The following UMAD1 variants were observed in gnomAD, a reference collection of about 807,000 sequenced individuals.
The protein encoded by UMAD1 is UBAP1-MVB12-associated (UMA) domain containing 1.
A neutral mutation model predicts 6.1 loss-of-function variants in UMAD1; 8 were observed. That is an observed-to-expected ratio of 1.30 (90% confidence interval 0.76 to 2.35). The LOEUF (loss-of-function observed/expected upper bound fraction) is 2.35. UMAD1 is among the 30% of genes most tolerant of loss of function. The pLI, the probability that UMAD1 is intolerant of heterozygous loss-of-function variation, is 0.00. For synonymous variants in UMAD1, 56 were observed against 31.4 expected (o/e 1.78, Z -2.61); for missense variants, 130 against 78.4 (o/e 1.66, Z -2.49).
chr7:7,828,533 G>A (rs7783404), intron 3 of UMAD1, among the ~76,000 whole-genome samples: 28,262 of 152,140 alleles, frequency 0.19, 3,085 homozygotes, highest in African/African-American at 0.29. Context: ...AGCTTCTTGC[G>A]GCTATATCAA....
At position 7,727,360 on chromosome 7, in the gene UMAD1, G is replaced by T. The variant is rs75247780; in HGVS notation, c.82+53907G>T. The stretch of plus-strand genomic sequence containing the variant: ...TTTATGTAATAGCATTTGGGTTGGG[G>T]ATTGGTGTGTTTTCGGTTGTACATA... On this transcript the variant is annotated intron_variant, in intron 2 of 3. Transcript: ENST00000682710. Among the ~76,000 whole-genome samples, 793 of 152,288 alleles carry T rather than the reference G, an allele frequency of 5.2e-3. 5 individuals are homozygous for T. Among genetic ancestry groups the T allele is most frequent in the African/African-American group, 0.018 (753 of 41,542 alleles).
chr7:7,874,452 T>C (rs1412066622), intron 3 of UMAD1, among the ~76,000 whole-genome samples: 1 of 152,184 alleles, frequency 6.6e-6, no homozygotes, highest in African/African-American at 2.4e-5. Flanking sequence ...TTTAGATGAA[T>C]CTCATCCACA....
intron 3 of UMAD1, among the ~76,000 whole-genome samples, chr7:7,815,453 A>T (rs1012979376): frequency 6.6e-5 from 10 of 152,196 alleles, no homozygotes; most frequent in African/African-American, 2.2e-4. Context: ...TGAGAGTTAC[A>T]GTAAAAGGCA....
intron 3 of UMAD1, among the ~76,000 whole-genome samples, chr7:7,875,871 G>A (rs575804375): frequency 5.1e-4 from 77 of 152,218 alleles, no homozygotes; most frequent in Non-Finnish European, 1.0e-3. Context: ...GAGTCCAGGA[G>A]TTCAAAACCA....
intron 2 of UMAD1, among the ~76,000 whole-genome samples, chr7:7,733,983 C>A (rs1443092278): frequency 1.3e-5 from 2 of 151,916 alleles, no homozygotes; most frequent in Non-Finnish European, 2.9e-5. Context: ...AATCTCTTTT[C>A]ATTTTTTTGT....
chr7:7,766,422 G>A (rs534100314), intron 2 of UMAD1, among the ~76,000 whole-genome samples: 1 of 152,210 alleles, frequency 6.6e-6, no homozygotes, highest in African/African-American at 2.4e-5. Flanking sequence ...ATAGGTCCTC[G>A]TGTAGTTTAG....
intron 2 of UMAD1, among the ~76,000 whole-genome samples, chr7:7,753,049 C>T (rs1781707625): frequency 6.6e-6 from 1 of 152,262 alleles, no homozygotes; most frequent in East Asian, 1.9e-4. Flanking sequence ...GACCCCTCCT[C>T]CACTCTCATT....
intron 2 of UMAD1, among the ~76,000 whole-genome samples, chr7:7,734,837 A>G (rs1313358922): frequency 6.6e-6 from 1 of 152,168 alleles, no homozygotes; most frequent in Non-Finnish European, 1.5e-5. Flanking sequence ...CATACATAAA[A>G]CAATGTGTTT....
chr7:7,689,464 A>C (rs1324992880), intron 2 of UMAD1: 1 of 152,194 alleles, frequency 6.6e-6, no homozygotes, highest in Non-Finnish European at 1.5e-5. Context: ...TTTTTAGGTG[A>C]GATAATAAAT....
chr7:7,818,269 T>C (rs1412468236), intron 3 of UMAD1, among the ~76,000 whole-genome samples: 1 of 152,180 alleles, frequency 6.6e-6, no homozygotes, highest in Non-Finnish European at 1.5e-5. Context: ...TTGCTAAGGA[T>C]AAAGGCCTCC....
intron 2 of UMAD1, among the ~76,000 whole-genome samples, chr7:7,711,877 G>T (rs1278015127): frequency 1.3e-5 from 2 of 152,118 alleles, no homozygotes; most frequent in Non-Finnish European, 2.9e-5. Context: ...TTGGAGATCA[G>T]AAAGTCATCT....
chr7:7,664,714 A>G (rs1779393356), intron 1 of UMAD1, among the ~76,000 whole-genome samples: 1 of 152,190 alleles, frequency 6.6e-6, no homozygotes, highest in African/African-American at 2.4e-5. Context: ...TCTAATTCAC[A>G]TTGATCTTTC....
At chr7:7,709,078 T>C (rs2115166790) in intron 2 of UMAD1, among the ~76,000 whole-genome samples, 1 of 152,268 alleles carries the variant, frequency 6.6e-6, no homozygotes, top group African/African-American at 2.4e-5. Flanking sequence ...AACACATCTT[T>C]CAGTGTCTTG....
Position 7,805,644 on chromosome 7 carries a change from A to T in UMAD1, c.156+3901A>T, listed in dbSNP as rs374403250. 1.3e-3 allele frequency among the ~76,000 whole-genome samples: 198 copies of T among 152,158 alleles called. 3 individuals carry two copies. The Middle Eastern group carries it at 0.014, about 10-fold the overall frequency. On this transcript the variant is annotated intron_variant, in intron 3 of 3. Coordinates refer to ENST00000682710, the MANE Select transcript of UMAD1 (RefSeq NM_001302348.2). The stretch of plus-strand genomic sequence containing the variant: ...CTTGCAGTGGGCTACAAGGAACTCC[A>T]TACTCTCTCTAATCTCATTTTTCTC...
intron 1 of UMAD1, among the ~76,000 whole-genome samples, chr7:7,668,493 G>A (rs998597838): frequency 1.3e-5 from 2 of 152,074 alleles, no homozygotes; most frequent in Non-Finnish European, 2.9e-5. Context: ...TAATCTCTTA[G>A]TGTGCCTAAT....
intron 2 of UMAD1, among the ~76,000 whole-genome samples, chr7:7,783,472 G>T (rs1782392519): frequency 6.6e-6 from 1 of 151,992 alleles, no homozygotes; most frequent in Non-Finnish European, 1.5e-5. Context: ...GAGCTACGAG[G>T]CTGGGAAGTG....
At position 7,742,523 on chromosome 7, in the gene UMAD1, T is replaced by A. The variant is rs912237446; in HGVS notation, c.83-59147T>A. ...GAAGCCTTCACTTTGGCTTCAGCTG[T>A]AGGAGGGGCAGGAGCTTCCTTCTTC... On this transcript the variant is annotated intron_variant, in intron 2 of 3. Transcript: ENST00000682710. The A allele has an allele frequency of 9.6e-6, 5 of 523,426 alleles. No homozygotes were observed. In the African/African-American group the frequency reaches 9.8e-5, roughly 10 times the overall value. The allele number at this position is 523,426 out of a possible 1,614,324, so 32.4% of individuals were successfully genotyped here.
chr7:7,650,586 A>C (rs1563084116), intron 1 of UMAD1, among the ~76,000 whole-genome samples: 1 of 152,230 alleles, frequency 6.6e-6, no homozygotes, highest in Non-Finnish European at 1.5e-5. Context: ...ACTAAACCGT[A>C]CACTTAAAAA....
At chr7:7,848,462 T>C (rs1337488078) in intron 3 of UMAD1, among the ~76,000 whole-genome samples, 1 of 152,174 alleles carries the variant, frequency 6.6e-6, no homozygotes, top group East Asian at 1.9e-4. Context: ...GTTCACAGTT[T>C]GGTTAAAATT....
Sources: allele counts gnomAD v4.1 joint callset (sites outside exome capture counted in the v4.1 genomes callset), GRCh38; gene constraint gnomAD v4.1.1; transcripts MANE v1.5; gene names NCBI Gene and HGNC (gene_info 2026-07-23, HGNC 2026-07-21).